FHIT: variants seen among roughly 807,000 people sequenced by gnomAD.
The protein encoded by FHIT is bis(5'-adenosyl)-triphosphatase.
A neutral mutation model predicts 17.9 loss-of-function variants in FHIT; 19 were observed. The ratio of observed to expected loss-of-function variants is 1.06; its 90% CI spans 0.74 to 1.56. The LOEUF is 1.56. FHIT is among the 40% of genes most tolerant of loss of function. The probability of loss-of-function intolerance (pLI) is 0.00; values close to 1 mark genes in which losing one functional copy is unlikely to be tolerated. For missense variants in FHIT, 248 were observed against 189.2 expected (o/e 1.31, Z -1.82); for synonymous variants, 81 against 69.7 (o/e 1.16, Z -0.81).
chr3:61,212,952 T>A (rs909395057), intron 1 of FHIT, among the ~76,000 whole-genome samples: 1 of 152,150 alleles, frequency 6.6e-6, no homozygotes, highest in Admixed American at 6.5e-5. Context: ...GACAAGCAAA[T>A]GCTGAGAGAT....
At chr3:60,736,740 T>C (rs75488545) in intron 4 of FHIT, among the ~76,000 whole-genome samples, 1 of 152,228 alleles carries the variant, frequency 6.6e-6, no homozygotes, top group African/African-American at 2.4e-5. Flanking sequence ...ACTTTGTATT[T>C]ATACTAAAAC....
At chr3:61,054,804 T>C (rs60632721) in intron 2 of FHIT, among the ~76,000 whole-genome samples, 121,070 of 151,744 alleles carry the variant, frequency 0.8, 48,980 homozygotes, top group Middle Eastern at 0.92. Context: ...AAACCCTCCT[T>C]CTATGAAGCT....
chr3:60,789,171 T>TAGAGAG (rs1387164031), intron 4 of FHIT, among the ~76,000 whole-genome samples: 69 of 130,150 alleles, frequency 5.3e-4, no homozygotes, highest in African/African-American at 2.0e-3. Flanking sequence ...TATATATATA[T>TAGAGAG]ATATAGAGAG....
chr3:60,623,136 G>A (rs183609967), intron 4 of FHIT, among the ~76,000 whole-genome samples: 9 of 152,292 alleles, frequency 5.9e-5, no homozygotes, highest in East Asian at 1.9e-4. Context: ...TAGTAGATAC[G>A]TAACAAGTAA....
At chr3:60,679,184 C>G (rs978375980) in intron 4 of FHIT, among the ~76,000 whole-genome samples, 7 of 151,926 alleles carry the variant, frequency 4.6e-5, no homozygotes, top group African/African-American at 1.4e-4. Context: ...AGAAATCTGC[C>G]CTACTATTTC....
In FHIT at chr3:60,995,275, G is replaced by A. The variant is rs569397090; in HGVS notation, c.-111+46772C>T. On this transcript the variant is annotated intron_variant, in intron 3 of 9. Transcript: ENST00000492590. The stretch of plus-strand genomic sequence containing the variant: ...GCGGAGCTTGCAGTGAGCCGAGATC[G>A]TGCCACTGCACTCCAGCCTGGGGGA... 3.3e-5 allele frequency among the ~76,000 whole-genome samples: 5 copies of A among 152,244 alleles called. No homozygotes were observed. The South Asian group carries it at 6.2e-4, about 19-fold the overall frequency.
intron 2 of FHIT, among the ~76,000 whole-genome samples, chr3:61,191,435 T>C (rs2038713640): frequency 6.6e-6 from 1 of 152,164 alleles, no homozygotes; most frequent in Non-Finnish European, 1.5e-5. Flanking sequence ...CACCACCGGC[T>C]TTCCTGGGTC....
chr3:60,090,201 C>T (rs1346040671), intron 5 of FHIT, among the ~76,000 whole-genome samples: 1 of 151,946 alleles, frequency 6.6e-6, no homozygotes, highest in Admixed American at 6.6e-5. Context: ...GTAAACTTAA[C>T]CTCTCACTAA....
intron 4 of FHIT, among the ~76,000 whole-genome samples, chr3:60,720,761 G>GA (rs1439524652): frequency 6.6e-6 from 1 of 152,144 alleles, no homozygotes; most frequent in Non-Finnish European, 1.5e-5. Flanking sequence ...GCCTTCCAGA[G>GA]AATAGCATAC....
intron 5 of FHIT, among the ~76,000 whole-genome samples, chr3:60,394,711 T>C (rs1701364450): frequency 6.6e-6 from 1 of 152,178 alleles, no homozygotes; most frequent in African/African-American, 2.4e-5. Context: ...AGTTGATACA[T>C]ATTATATATG....
intron 4 of FHIT, among the ~76,000 whole-genome samples, chr3:60,781,677 T>C (rs1471806019): frequency 6.6e-6 from 1 of 152,146 alleles, no homozygotes; most frequent in Non-Finnish European, 1.5e-5. Context: ...TGTGAAAATA[T>C]CACAATATAA....
intron 5 of FHIT, among the ~76,000 whole-genome samples, chr3:60,205,824 T>G (rs6787176): frequency 2.0e-5 from 3 of 151,758 alleles, no homozygotes; most frequent in Non-Finnish European, 2.9e-5. Flanking sequence ...AAATAACACT[T>G]AAGGCTGGGC....
chr3:60,624,895 G>C (rs1553680302), intron 4 of FHIT, among the ~76,000 whole-genome samples: 1 of 148,728 alleles, frequency 6.7e-6, no homozygotes, highest in African/African-American at 2.5e-5. Flanking sequence ...CTTGTTTCTA[G>C]TTTTTTTTTT....
At chr3:59,893,810 T>C (rs1010073085) in intron 8 of FHIT, among the ~76,000 whole-genome samples, 16 of 152,222 alleles carry the variant, frequency 1.1e-4, no homozygotes, top group African/African-American at 3.4e-4. Context: ...TGCCTAATAC[T>C]TGACTAGGAA....
chr3:60,552,765 C>G (rs115837366), intron 4 of FHIT, among the ~76,000 whole-genome samples: 1 of 152,208 alleles, frequency 6.6e-6, no homozygotes. Flanking sequence ...TGCTTTGTAG[C>G]TGACTCATCC....
intron 5 of FHIT, among the ~76,000 whole-genome samples, chr3:60,203,480 C>T (rs555319733): frequency 2.6e-5 from 4 of 152,258 alleles, no homozygotes; most frequent in African/African-American, 9.6e-5. Flanking sequence ...CCTGAGATGA[C>T]CCTTTTCCCC....
intron 4 of FHIT, among the ~76,000 whole-genome samples, chr3:60,784,931 G>A (rs781983137): frequency 5.3e-5 from 8 of 151,974 alleles, no homozygotes; most frequent in African/African-American, 1.7e-4. Context: ...ATTAGACACC[G>A]GATCTGGACT....
chr3:60,523,069 C>G (rs774446657), intron 5 of FHIT, among the ~76,000 whole-genome samples: 4 of 152,090 alleles, frequency 2.6e-5, no homozygotes, highest in Admixed American at 2.0e-4. Context: ...CAGCAAATCT[C>G]GTGAGACTTA....
intron 5 of FHIT, among the ~76,000 whole-genome samples, chr3:60,144,328 A>G (rs1700150901): frequency 6.6e-6 from 1 of 152,226 alleles, no homozygotes; most frequent in Non-Finnish European, 1.5e-5. Context: ...AGCACTAAGC[A>G]TCAATTATTT....
Sources: gnomAD v4.1 joint callset for allele counts (sites outside exome capture counted in the v4.1 genomes callset) on GRCh38, gnomAD v4.1.1 for gene constraint, MANE v1.5 for transcripts, NCBI Gene and HGNC (gene_info 2026-07-23, HGNC 2026-07-21) for gene names.